DIP2C: variants seen among roughly 807,000 people sequenced by gnomAD.
DIP2C encodes DIP2 acetate--CoA ligase C (putative), also known as disco-interacting protein 2 homolog C.
In DIP2C, 33 loss-of-function variants were observed where a neutral mutation model predicts 192.4. That is an observed-to-expected ratio of 0.17 (90% CI 0.13 to 0.23). The LOEUF (loss-of-function observed/expected upper bound fraction) is 0.23. Among genes scored for constraint, DIP2C ranks in the 10% least tolerant of loss-of-function variants. DIP2C has a pLI of 1.00. For missense variants in DIP2C, 1,537 were observed against 2,110.1 expected, an observed-to-expected ratio of 0.73 and a Z score of 5.32; for synonymous variants, 979 against 864.1, an observed-to-expected ratio of 1.13 and a Z score of -2.33.
intron 2 of DIP2C, chr10:484,735 A>G (rs754715674): frequency 6.3e-7 from 1 of 1,592,826 alleles, no homozygotes; most frequent in Admixed American, 1.7e-5. Flanking sequence ...CCCTTTTCTA[A>G]TGTGTACCCT....
intron 1 of DIP2C, among the ~76,000 whole-genome samples, chr10:536,620 C>G (rs1287154934): frequency 2.6e-5 from 4 of 152,076 alleles, no homozygotes; most frequent in Non-Finnish European, 4.4e-5. Context: ...AGGAGCCGGA[C>G]AGACAGTGAA....
At chr10:433,683 AAAAAAT>A (rs891160003) in intron 4 of DIP2C, among the ~76,000 whole-genome samples, 10 of 152,300 alleles carry the variant, frequency 6.6e-5, no homozygotes, top group African/African-American at 1.9e-4. Flanking sequence ...TCCATCTCAA[AAAAAAT>A]AAAATAAATA....
chr10:520,711 T>A (rs1049818867), intron 1 of DIP2C, among the ~76,000 whole-genome samples: 1 of 152,232 alleles, frequency 6.6e-6, no homozygotes, highest in Non-Finnish European at 1.5e-5. Flanking sequence ...GTCAACCATC[T>A]GCTGCCAAAG....
intron 16 of DIP2C, among the ~76,000 whole-genome samples, chr10:383,760 T>C (rs2132894216): frequency 6.6e-6 from 1 of 152,220 alleles, no homozygotes; most frequent in South Asian, 2.1e-4. Flanking sequence ...AATCAAGACA[T>C]CCTCTGAATC....
rs191846175 is a variant in DIP2C at position 306,371 on chromosome 10, C to T, written c.3986+3660G>A. 8.5e-5 allele frequency among the ~76,000 whole-genome samples: 13 copies of T among 152,276 alleles called. No homozygotes were observed. In the East Asian group the frequency reaches 2.5e-3, roughly 30 times the overall value. Reference sequence around the variant, plus strand: ...ACCCCTGTTCGACAACTGACTTTCACAATGGTGGTCTTCCTCTGTAGGCCG... The same window carrying T: ...ACCCCTGTTCGACAACTGACTTTCATAATGGTGGTCTTCCTCTGTAGGCCG... On this transcript the variant is annotated intron_variant, in intron 32 of 36. Transcript: ENST00000280886.
intron 17 of DIP2C, among the ~76,000 whole-genome samples, chr10:375,904 T>C (rs113817035): frequency 5.9e-5 from 9 of 152,248 alleles, no homozygotes; most frequent in African/African-American, 2.2e-4. Flanking sequence ...CGATCTCCAA[T>C]GTAGTATTCC....
At chr10:467,693 T>A (rs1970333766) in intron 3 of DIP2C, among the ~76,000 whole-genome samples, 1 of 151,692 alleles carries the variant, frequency 6.6e-6, no homozygotes, top group Non-Finnish European at 1.5e-5. Flanking sequence ...CTCAGTCAAC[T>A]AACACCAGAA....
chr10:449,329 G>A (rs1490155242), intron 3 of DIP2C, among the ~76,000 whole-genome samples: 1 of 152,076 alleles, frequency 6.6e-6, no homozygotes, highest in Non-Finnish European at 1.5e-5. Context: ...TGTTATTTAG[G>A]CAAACAAAAT....
intron 1 of DIP2C, among the ~76,000 whole-genome samples, chr10:499,467 T>C (rs1845078360): frequency 6.6e-6 from 1 of 152,126 alleles, no homozygotes; most frequent in African/African-American, 2.4e-5. Context: ...AAACTTATGA[T>C]CATGGCAGAA....
rs549486152 is a variant in DIP2C at position 438,476 on chromosome 10, TAAAC to T, written c.394+2391_394+2394del. 6.6e-5 allele frequency among the ~76,000 whole-genome samples: 10 copies of T among 151,132 alleles called. 1 individual carries two copies. In the South Asian group the frequency reaches 1.7e-3, roughly 25 times the overall value. On this transcript the variant is annotated intron_variant, in intron 4 of 36. Coordinates refer to ENST00000280886, the MANE Select transcript of DIP2C (RefSeq NM_014974.3). ...GTTTTGGCAAATTATAACCATAAACTAAACAAACAGGATTAAGCATTTTTTTTTT... is the reference window on the plus strand; with the variant it reads ...GTTTTGGCAAATTATAACCATAAACTAAACAGGATTAAGCATTTTTTTTTT...
In DIP2C at chr10:603,215, T is replaced by G. The variant is rs114608886; in HGVS notation, c.85+86279A>C. On this transcript the variant is annotated intron_variant, in intron 1 of 36. Coordinates refer to ENST00000280886, the MANE Select transcript of DIP2C (RefSeq NM_014974.3). Reference sequence around the variant, plus strand: ...TTGGAGGCTGAGGCAGGAGAATCACTTGAGCACAGGGGGGCGGGGGTTGCA... The same window carrying G: ...TTGGAGGCTGAGGCAGGAGAATCACGTGAGCACAGGGGGGCGGGGGTTGCA... 9.3e-3 allele frequency among the ~76,000 whole-genome samples: 1,319 copies of G among 141,392 alleles called. 28 individuals carry two copies. Among genetic ancestry groups the G allele is most frequent in the African/African-American group, 0.033 (1,264 of 38,500 alleles). 92.8% of individuals were successfully genotyped at this position (141,392 alleles called of 152,430 possible).
intron 24 of DIP2C, among the ~76,000 whole-genome samples, chr10:355,140 G>A (rs375544994): frequency 1.1e-4 from 17 of 152,256 alleles, no homozygotes; most frequent in East Asian, 5.8e-4. Flanking sequence ...CAGGGGCTCC[G>A]TCACAGCACC....
intron 22 of DIP2C, among the ~76,000 whole-genome samples, chr10:360,871 T>C (rs1252998764): frequency 6.6e-6 from 1 of 152,208 alleles, no homozygotes; most frequent in African/African-American, 2.4e-5. Context: ...CAGAACACTG[T>C]CACCCACAAA....
Position 274,535 on chromosome 10 carries a change from G to A in DIP2C, c.*2790C>T, listed in dbSNP as rs1202036544. The A allele has an allele frequency of 2.6e-5, 4 of 152,158 alleles. No homozygotes were observed. Among genetic ancestry groups the A allele is most frequent in the African/African-American group, 9.7e-5 (4 of 41,436 alleles). 9.4% of individuals were successfully genotyped at this position (152,158 alleles called of 1,614,324 possible). On this transcript the variant is annotated 3_prime_UTR_variant, in exon 37 of 37. Transcript: ENST00000280886. ...AGGCGTTATCACAGATGTACAAAGCGTACTGGTGGTTTAACATACAAGAAG... is the reference window on the plus strand; with the variant it reads ...AGGCGTTATCACAGATGTACAAAGCATACTGGTGGTTTAACATACAAGAAG...
chr10:422,403 G>A (rs1040347203), intron 5 of DIP2C, among the ~76,000 whole-genome samples: 1 of 152,178 alleles, frequency 6.6e-6, no homozygotes, highest in Non-Finnish European at 1.5e-5. Flanking sequence ...ACAAAGCAGT[G>A]TGCCGGCCCC....
chr10:545,386 C>CCT (rs1334654251), intron 1 of DIP2C, among the ~76,000 whole-genome samples: 1 of 151,970 alleles, frequency 6.6e-6, no homozygotes, highest in Non-Finnish European at 1.5e-5. Flanking sequence ...TAACTCCTGA[C>CCT]CTCAGGTGAT....
intron 33 of DIP2C, among the ~76,000 whole-genome samples, chr10:287,102 T>C (rs1955182144): frequency 6.6e-6 from 1 of 152,036 alleles, no homozygotes; most frequent in Admixed American, 6.6e-5. Flanking sequence ...GTACTAAGCA[T>C]TTCCTTCTTT....
chr10:570,505 T>C (rs1448792429), intron 1 of DIP2C, among the ~76,000 whole-genome samples: 1 of 152,140 alleles, frequency 6.6e-6, no homozygotes, highest in Non-Finnish European at 1.5e-5. Flanking sequence ...CCTTTACCAG[T>C]TTCCCGCAGC....
chr10:480,870 A>G (rs1843552011), intron 2 of DIP2C, among the ~76,000 whole-genome samples: 1 of 152,176 alleles, frequency 6.6e-6, no homozygotes, highest in Non-Finnish European at 1.5e-5. Context: ...CACTACAGCA[A>G]CGCGGTCTAG....
Sources: allele counts gnomAD v4.1 joint callset (sites outside exome capture counted in the v4.1 genomes callset), GRCh38; gene constraint gnomAD v4.1.1; transcripts MANE v1.5; gene names NCBI Gene and HGNC (gene_info 2026-07-23, HGNC 2026-07-21).